Variants in DNAJC1 observed in about 807,000 individuals in gnomAD.
DNAJC1 encodes the protein DnaJ heat shock protein family (Hsp40) member C1, also known as dnaJ homolog subfamily C member 1.
In DNAJC1, 58 loss-of-function variants were observed where a neutral mutation model predicts 76.6. That is an observed-to-expected ratio of 0.76 (90% CI 0.61 to 0.94). The LOEUF (loss-of-function observed/expected upper bound fraction) is 0.94, where lower values mean the gene tolerates loss of function less well. Among genes scored for constraint, DNAJC1 ranks in the 40% least tolerant of loss-of-function variants. The pLI, the probability that DNAJC1 is intolerant of heterozygous loss-of-function variation, is 0.00. For synonymous variants in DNAJC1, 258 were observed against 267.9 expected, an observed-to-expected ratio of 0.96 and a Z score of 0.36; for missense variants, 689 against 677.3, an observed-to-expected ratio of 1.02 and a Z score of -0.19.
At chr10:21,838,377 T>C (rs1201689456) in intron 8 of DNAJC1, among the ~76,000 whole-genome samples, 4 of 152,080 alleles carry the variant, frequency 2.6e-5, no homozygotes, top group Non-Finnish European at 5.9e-5. Flanking sequence ...GTTAAATGGA[T>C]TAAGGGCGGT....
Position 21,882,440 on chromosome 10 carries a change from C to A in DNAJC1, c.821-1G>T. 6.8e-7 allele frequency: 1 copy of A among 1,471,048 alleles called. No homozygotes were observed. The highest frequency in any genetic ancestry group is 1.4e-5 in the South Asian group (1 of 70,658). 91.1% of individuals were successfully genotyped at this position (1,471,048 alleles called of 1,614,324 possible). A position where few individuals can be genotyped will look rare whatever the true frequency, so the allele number is the denominator to read the frequency against. On this transcript the variant is annotated splice_acceptor_variant, in intron 7 of 11. Transcript: ENST00000376980. LOFTEE classifies it high-confidence loss of function. ...TTTGGTTTTTTAACTTTCTTCTGTTCTAAAAAATGTTTAAAAGAACCAATT... is the reference window on the plus strand; with the variant it reads ...TTTGGTTTTTTAACTTTCTTCTGTTATAAAAAATGTTTAAAAGAACCAATT...
At chr10:21,785,388 A>G (rs1254979729) in intron 9 of DNAJC1, 2 of 152,232 alleles carry the variant, frequency 1.3e-5, no homozygotes, top group African/African-American at 4.8e-5. Flanking sequence ...CCTCTCTCTC[A>G]ACTATTGCCT....
intron 1 of DNAJC1, among the ~76,000 whole-genome samples, chr10:21,973,232 C>T (rs1488295834): frequency 6.6e-6 from 1 of 152,112 alleles, no homozygotes; most frequent in East Asian, 1.9e-4. Flanking sequence ...ATTACAGCAG[C>T]AGTCTTTCCT....
intron 10 of DNAJC1, among the ~76,000 whole-genome samples, chr10:21,763,903 C>T (rs948268386): frequency 6.6e-6 from 1 of 152,098 alleles, no homozygotes; most frequent in African/African-American, 2.4e-5. Context: ...AACGTTGGTG[C>T]CCTATGTACG....
chr10:21,914,666 G>A (rs1264513178), intron 6 of DNAJC1, among the ~76,000 whole-genome samples: 1 of 152,102 alleles, frequency 6.6e-6, no homozygotes, highest in East Asian at 1.9e-4. Context: ...AGACAGTAAT[G>A]GGCTGCATGA....
intron 9 of DNAJC1, among the ~76,000 whole-genome samples, chr10:21,775,467 T>C (rs1834442747): frequency 2.6e-5 from 4 of 151,890 alleles, no homozygotes; most frequent in Non-Finnish European, 5.9e-5. Context: ...TGATCATTTA[T>C]GATTCTAGGT....
At chr10:21,764,278 T>C (rs1423717026) in intron 10 of DNAJC1, among the ~76,000 whole-genome samples, 2 of 152,246 alleles carry the variant, frequency 1.3e-5, no homozygotes, top group Admixed American at 1.3e-4. Context: ...GTCCCATTCT[T>C]GTAAAAATAT....
At chr10:21,916,286 G>C (rs1036252194) in intron 6 of DNAJC1, among the ~76,000 whole-genome samples, 1 of 152,042 alleles carries the variant, frequency 6.6e-6, no homozygotes, top group Non-Finnish European at 1.5e-5. Context: ...TCAGGAGATC[G>C]AGACCATCCT....
chr10:21,840,033 C>A (rs1415417024), intron 8 of DNAJC1, among the ~76,000 whole-genome samples: 1 of 152,148 alleles, frequency 6.6e-6, no homozygotes, highest in Non-Finnish European at 1.5e-5. Flanking sequence ...CAGAAAAGGC[C>A]TTTGACAAAA....
At chr10:21,881,978 C>T (rs933563019) in intron 8 of DNAJC1, among the ~76,000 whole-genome samples, 1 of 151,412 alleles carries the variant, frequency 6.6e-6, no homozygotes, top group African/African-American at 2.4e-5. Context: ...CACGGTGAAA[C>T]CCTGTCTCTA....
intron 8 of DNAJC1, among the ~76,000 whole-genome samples, chr10:21,836,031 C>A (rs1167212406): frequency 6.6e-6 from 1 of 152,126 alleles, no homozygotes; most frequent in African/African-American, 2.4e-5. Context: ...TTGTCACATT[C>A]ACCAAAGTTG....
rs1444950626 is a variant in DNAJC1 at position 21,847,200 on chromosome 10, G to C, written c.978+35082C>G. 2.0e-5 allele frequency among the ~76,000 whole-genome samples: 3 copies of C among 152,066 alleles called. No homozygotes were observed. In the East Asian group the frequency reaches 5.8e-4, roughly 29 times the overall value. On this transcript the variant is annotated intron_variant, in intron 8 of 11. Transcript: ENST00000376980. ...TTATAAGCATTGTCACTTCCAAACT[G>C]TGTGCCTCTAGGAAAGAACCAGCAA...
At chr10:21,915,963 C>T (rs1836947526) in intron 6 of DNAJC1, among the ~76,000 whole-genome samples, 1 of 151,138 alleles carries the variant, frequency 6.6e-6, no homozygotes, top group African/African-American at 2.4e-5. Context: ...AGCAACATGG[C>T]AAGACCCTGT....
chr10:21,868,068 T>G (rs1273156589), intron 8 of DNAJC1, among the ~76,000 whole-genome samples: 7 of 20,934 alleles, frequency 3.3e-4, no homozygotes, highest in African/African-American at 8.9e-4. Context: ...AGAGCAAGAT[T>G]CTGTCTCCAA....
chr10:21,840,030 G>A (rs1354067954), intron 8 of DNAJC1, among the ~76,000 whole-genome samples: 1 of 152,106 alleles, frequency 6.6e-6, no homozygotes, highest in Non-Finnish European at 1.5e-5. Context: ...ATGCAGAAAA[G>A]GCCTTTGACA....
chr10:21,864,638 C>T (rs1835967926), intron 8 of DNAJC1, among the ~76,000 whole-genome samples: 1 of 151,532 alleles, frequency 6.6e-6, no homozygotes, highest in Non-Finnish European at 1.5e-5. Flanking sequence ...AACAAACAAA[C>T]AAACAAAAAC....
intron 8 of DNAJC1, among the ~76,000 whole-genome samples, chr10:21,879,352 G>A (rs185455008): frequency 3.3e-4 from 50 of 152,250 alleles, no homozygotes; most frequent in Middle Eastern, 6.8e-3. Flanking sequence ...AGCCAGGCGC[G>A]TTAGCTCACA....
chr10:21,860,243 T>A (rs1488363881), intron 8 of DNAJC1, among the ~76,000 whole-genome samples: 1 of 151,698 alleles, frequency 6.6e-6, no homozygotes, highest in African/African-American at 2.4e-5. Context: ...AGAGGAAAAC[T>A]TCATGTTTCA....
At chr10:21,989,804 C>G (rs1838301258) in intron 1 of DNAJC1, among the ~76,000 whole-genome samples, 1 of 152,114 alleles carries the variant, frequency 6.6e-6, no homozygotes, top group South Asian at 2.1e-4. Flanking sequence ...TATATAAGAC[C>G]TAGTTCTTGC....
Sources: allele counts gnomAD v4.1 joint callset (sites outside exome capture counted in the v4.1 genomes callset), GRCh38; gene constraint gnomAD v4.1.1; transcripts MANE v1.5; gene names NCBI Gene and HGNC (gene_info 2026-07-23, HGNC 2026-07-21).